The following KCNU1 variants were observed in gnomAD, a reference collection of about 807,000 sequenced individuals.
KCNU1 encodes the protein potassium calcium-activated channel subfamily U member 1.
In KCNU1, 93 loss-of-function variants were observed where a neutral mutation model predicts 126.8. The observed-to-expected ratio is 0.73, with a 90% CI of 0.62 to 0.87. KCNU1 has a LOEUF of 0.87. Among genes scored for constraint, KCNU1 ranks in the 40% least tolerant of loss-of-function variants. The probability of loss-of-function intolerance (pLI) is 0.00; values close to 1 mark genes in which losing one functional copy is unlikely to be tolerated. For missense variants in KCNU1, 1,330 were observed against 1,367.1 expected (o/e 0.97, Z 0.43); for synonymous variants, 523 against 494.2 (o/e 1.06, Z -0.77).
intron 16 of KCNU1, among the ~76,000 whole-genome samples, chr8:36,844,108 G>A (rs1805054346): frequency 1.3e-5 from 2 of 152,194 alleles, no homozygotes; most frequent in African/African-American, 4.8e-5. Flanking sequence ...GCCAGGCGCA[G>A]TGGCTCATGC....
chr8:36,834,646 C>T (rs1563284429), intron 11 of KCNU1, 140 bp from the exon 12 acceptor site: 2 of 592,594 alleles, frequency 3.4e-6, no homozygotes, highest in African/African-American at 3.7e-5. Context: ...TAAAGACATC[C>T]TCATTACAAC....
chr8:36,806,118 G>A (rs16885433), intron 4 of KCNU1, 151 bp from the exon 5 acceptor site: 30,636 of 502,482 alleles, frequency 0.061, 1,213 homozygotes, highest in African/African-American at 0.14. Context: ...CATCCACATA[G>A]CATATAAATA....
Position 36,935,857 on chromosome 8 carries a change from T to C in KCNU1, c.3387T>C (p.Asn1129=), listed in dbSNP as rs200026341. The change falls in exon 27 of 27, where the codon AAT becomes AAC. Residue 1129 remains asparagine, a synonymous_variant. Coordinates refer to ENST00000399881, the MANE Select transcript of KCNU1 (RefSeq NM_001031836.3). ...CTTTAGGTGACAATGCAAAAGAAAA[T>C]GAAAGGAAAACTTCAGATGAGGTTT... ...QIPLGDNAKE[N]ERKTSDEVYD... is the part of the protein sequence containing the mutation. The C allele has an allele frequency of 3.0e-3, 4,905 of 1,611,698 alleles. 15 individuals are homozygous for C. Among genetic ancestry groups the C allele is most frequent in the Middle Eastern group, 5.3e-3 (32 of 6,028 alleles).
At chr8:36,838,133 G>A (rs758061294) in intron 14 of KCNU1, among the ~76,000 whole-genome samples, 25 of 152,188 alleles carry the variant, frequency 1.6e-4, no homozygotes, top group Non-Finnish European at 3.1e-4. Context: ...CCTTCATGCA[G>A]CTACAACACA....
At chr8:36,910,627 A>G (rs184307196) in intron 21 of KCNU1, among the ~76,000 whole-genome samples, 5 of 152,040 alleles carry the variant, frequency 3.3e-5, no homozygotes, top group African/African-American at 1.2e-4. Context: ...TGTTACCCTG[A>G]CCCTACTCTC....
At chr8:36,847,807 G>T (rs1475259219) in intron 18 of KCNU1, among the ~76,000 whole-genome samples, 4 of 152,138 alleles carry the variant, frequency 2.6e-5, no homozygotes, top group Admixed American at 2.6e-4. Flanking sequence ...TTGATACACT[G>T]ATTATTTTTA....
chr8:36,907,376 G>A (rs917316460), intron 20 of KCNU1, among the ~76,000 whole-genome samples: 9 of 152,104 alleles, frequency 5.9e-5, no homozygotes, highest in Admixed American at 2.6e-4. Flanking sequence ...TAATGCACTT[G>A]GCCATGTATC....
rs1201714937 is a variant in KCNU1 at position 36,909,555 on chromosome 8, A to C, written c.2331+20A>C. ...CTGCCTGTAAGTATCATATAAGGAAAAGTTAATATTTATAAGGATTTCAAT... is the reference window on the plus strand; with the variant it reads ...CTGCCTGTAAGTATCATATAAGGAACAGTTAATATTTATAAGGATTTCAAT... On this transcript the variant is annotated intron_variant, in intron 21 of 26. Coordinates refer to ENST00000399881, the MANE Select transcript of KCNU1 (RefSeq NM_001031836.3). The C allele has an allele frequency of 7.4e-7, 1 of 1,358,594 alleles. No homozygotes were observed. The highest frequency in any genetic ancestry group is 1.2e-5 in the South Asian group (1 of 84,194). 84.2% of individuals were successfully genotyped at this position (1,358,594 alleles called of 1,614,324 possible). A position where few individuals can be genotyped will look rare whatever the true frequency, so the allele number is the denominator to read the frequency against.
chr8:36,866,648 T>C (rs1805922106), intron 19 of KCNU1, among the ~76,000 whole-genome samples: 1 of 152,132 alleles, frequency 6.6e-6, no homozygotes, highest in Admixed American at 6.6e-5. Context: ...AGGCATTTAT[T>C]GAGTAGCCTG....
At chr8:36,877,588 C>A (rs1806321557) in intron 19 of KCNU1, among the ~76,000 whole-genome samples, 1 of 152,156 alleles carries the variant, frequency 6.6e-6, no homozygotes, top group Admixed American at 6.5e-5. Context: ...CAGGCATGAG[C>A]CACCACACCT....
At chr8:36,833,320 A>G (rs1804623211) in intron 10 of KCNU1, among the ~76,000 whole-genome samples, 1 of 152,178 alleles carries the variant, frequency 6.6e-6, no homozygotes, top group Non-Finnish European at 1.5e-5. Flanking sequence ...TATTAAATGC[A>G]TAGTTGATTT....
chr8:36,857,624 TG>T (rs1252449214), intron 18 of KCNU1, among the ~76,000 whole-genome samples: 1 of 130,532 alleles, frequency 7.7e-6, no homozygotes, highest in East Asian at 2.3e-4. Context: ...GTTTGTTGTT[TG>T]TTTTTTGTTT....
intron 24 of KCNU1, among the ~76,000 whole-genome samples, chr8:36,923,736 G>T (rs1442259720): frequency 6.6e-6 from 1 of 152,154 alleles, no homozygotes; most frequent in Non-Finnish European, 1.5e-5. Flanking sequence ...TCCATTGGCT[G>T]GAGCTGGAAC....
At chr8:36,917,724 C>A (rs1808172650) in intron 22 of KCNU1, among the ~76,000 whole-genome samples, 1 of 152,108 alleles carries the variant, frequency 6.6e-6, no homozygotes, top group Non-Finnish European at 1.5e-5. Context: ...TGTCATACTT[C>A]TTTTTGAAAC....
In KCNU1 at chr8:36,836,795, T is replaced by A. The variant is rs540508917; in HGVS notation, c.1368T>A (p.Val456=). ...ACCTGCTTTGTGCTATGGAACAGGT[T>A]TATCTGCCAAAGATTCCCAGCTGGA... is the stretch of plus-strand genomic sequence containing the variant. The part of the protein sequence containing the change: ...IIQILQSHNK[V]YLPKIPSWNW... The change falls in exon 14 of 27, where the codon GTT becomes GTA. Residue 456 remains valine, a splice_region_variant and synonymous_variant. Transcript: ENST00000399881. 1 of 1,613,730 alleles carries A rather than the reference T, an allele frequency of 6.2e-7. No individual in the cohort carries two copies. The highest frequency in any genetic ancestry group is 1.7e-5 in the Admixed American group (1 of 60,008).
chr8:36,895,041 C>T (rs2117461795), intron 19 of KCNU1, among the ~76,000 whole-genome samples: 1 of 151,890 alleles, frequency 6.6e-6, no homozygotes, highest in South Asian at 2.1e-4. Flanking sequence ...CCTGACTTAC[C>T]CTACTACACA....
intron 19 of KCNU1, among the ~76,000 whole-genome samples, chr8:36,864,982 G>C (rs1341679384): frequency 2.0e-5 from 3 of 152,096 alleles, no homozygotes; most frequent in Non-Finnish European, 2.9e-5. Flanking sequence ...TAACCAGAAA[G>C]AAGAGTTGGA....
intron 19 of KCNU1, among the ~76,000 whole-genome samples, chr8:36,903,729 T>C (rs1421582365): frequency 1.3e-5 from 2 of 152,130 alleles, no homozygotes; most frequent in Non-Finnish European, 2.9e-5. Flanking sequence ...GACTGAGTAA[T>C]TTATAAAGGA....
chr8:36,848,776 T>G (rs1805240221), intron 18 of KCNU1, among the ~76,000 whole-genome samples: 1 of 152,024 alleles, frequency 6.6e-6, no homozygotes, highest in Non-Finnish European at 1.5e-5. Context: ...AGAATCCATA[T>G]GAAAAGGGAA....
Sources: gnomAD v4.1 joint callset for allele counts (sites outside exome capture counted in the v4.1 genomes callset) on GRCh38, gnomAD v4.1.1 for gene constraint, MANE v1.5 for transcripts, NCBI Gene and HGNC (gene_info 2026-07-23, HGNC 2026-07-21) for gene names.